Variants in CECR2 observed in about 807,000 individuals in gnomAD.
The protein encoded by CECR2 is CECR2 histone acetyl-lysine reader, also known as chromatin remodeling regulator CECR2.
CECR2 carries 30 observed loss-of-function variants against 154.5 expected under a neutral mutation model. The ratio of observed to expected loss-of-function variants is 0.19; its 90% CI spans 0.15 to 0.26. The LOEUF is 0.26. Ranked by LOEUF, CECR2 falls within the 10% of genes least tolerant of loss-of-function variation. The pLI is 1.00. For missense variants in CECR2, 1,743 were observed against 1,829.3 expected (o/e 0.95, Z 0.86); for synonymous variants, 725 against 683.7 (o/e 1.06, Z -0.94).
At chr22:17,380,988 A>G (rs1310683493) in intron 1 of CECR2, among the ~76,000 whole-genome samples, 1 of 147,830 alleles carries the variant, frequency 6.8e-6, no homozygotes, top group Non-Finnish European at 1.5e-5. Context: ...ATTCCCCATT[A>G]TGTCTCTCTG....
intron 1 of CECR2, among the ~76,000 whole-genome samples, chr22:17,398,936 A>G (rs1438719725): frequency 6.6e-6 from 1 of 152,214 alleles, no homozygotes; most frequent in Non-Finnish European, 1.5e-5. Context: ...AGGTTGAATC[A>G]GGTGATATTG....
intron 1 of CECR2, among the ~76,000 whole-genome samples, chr22:17,364,342 C>CTAAAAAAAA: frequency 1.9e-5 from 1 of 52,946 alleles, no homozygotes; most frequent in Non-Finnish European, 3.0e-5. Flanking sequence ...GACTCTGTCT[C>CTAAAAAAAA]AAAAAAAAAA....
chr22:17,502,118 C>T (rs991891844), intron 5 of CECR2, among the ~76,000 whole-genome samples: 2 of 152,174 alleles, frequency 1.3e-5, no homozygotes, highest in African/African-American at 4.8e-5. Context: ...AATGATACTT[C>T]ATCCTAATGC....
At chr22:17,389,171 A>G (rs1468027204) in intron 1 of CECR2, among the ~76,000 whole-genome samples, 3 of 152,142 alleles carry the variant, frequency 2.0e-5, no homozygotes, top group South Asian at 4.1e-4. Context: ...AGGCTGGTAC[A>G]CAGAATTCCT....
rs375202991 is a variant in CECR2, at chr22:17,435,976, CCTCT to C, written c.127-41611_127-41608del. On this transcript the variant is annotated intron_variant, in intron 1 of 18. Coordinates refer to ENST00000262608, the MANE Select transcript of CECR2 (RefSeq NM_001290047.2). ...CTTTCTTTCCCTTCCTCCCTCCCTC[CCTCT>C]GTCTGTCTCGCTCTGTCACCCAGGC... is the stretch of plus-strand genomic sequence containing the variant. 7.9e-5 allele frequency among the ~76,000 whole-genome samples: 12 copies of C among 152,194 alleles called. No homozygotes were observed. In the South Asian group the frequency reaches 1.0e-3, roughly 13 times the overall value.
intron 8 of CECR2, among the ~76,000 whole-genome samples, chr22:17,512,169 G>C (rs1003125038): frequency 6.6e-6 from 1 of 152,130 alleles, no homozygotes; most frequent in Non-Finnish European, 1.5e-5. Context: ...TATAGGAGCA[G>C]TTCACAAATG....
chr22:17,546,348 T>C (rs975365073), intron 16 of CECR2, among the ~76,000 whole-genome samples: 34 of 151,792 alleles, frequency 2.2e-4, no homozygotes, highest in Admixed American at 7.9e-4. Context: ...TTAGCCAGCA[T>C]GGTGTCGGGC....
chr22:17,549,978 A>T (rs2056683909), intron 17 of CECR2, among the ~76,000 whole-genome samples: 1 of 150,214 alleles, frequency 6.7e-6, no homozygotes, highest in African/African-American at 2.4e-5. Flanking sequence ...ATAACAGTTC[A>T]TGGTCTAGGA....
intron 9 of CECR2, among the ~76,000 whole-genome samples, chr22:17,527,760 A>T (rs1341880154): frequency 4.9e-5 from 7 of 143,920 alleles, no homozygotes; most frequent in Non-Finnish European, 1.1e-4. Flanking sequence ...ATACAGCAAG[A>T]TTCTGTCTCA....
intron 1 of CECR2, among the ~76,000 whole-genome samples, chr22:17,376,645 T>G (rs1256202311): frequency 0.012 from 1,379 of 111,612 alleles, 23 homozygotes; most frequent in African/African-American, 0.063. Flanking sequence ...TTTTTTTTTG[T>G]TTTTTTTTTT....
chr22:17,396,938 A>T (rs1292566926), intron 1 of CECR2, among the ~76,000 whole-genome samples: 4 of 152,132 alleles, frequency 2.6e-5, no homozygotes, highest in Non-Finnish European at 5.9e-5. Context: ...TGGTTGGACA[A>T]TGGCTTGTGA....
At chr22:17,428,725 G>C (rs1385191749) in intron 1 of CECR2, among the ~76,000 whole-genome samples, 1 of 151,820 alleles carries the variant, frequency 6.6e-6, no homozygotes, top group Non-Finnish European at 1.5e-5. Flanking sequence ...TGATCCTCTT[G>C]ACTCAGCCTC....
chr22:17,396,945 G>A (rs1293479013), intron 1 of CECR2, among the ~76,000 whole-genome samples: 1 of 152,126 alleles, frequency 6.6e-6, no homozygotes, highest in Non-Finnish European at 1.5e-5. Context: ...ACAATGGCTT[G>A]TGAGAGAGGA....
intron 9 of CECR2, among the ~76,000 whole-genome samples, chr22:17,527,691 T>C (rs940657465): frequency 4.0e-5 from 6 of 148,612 alleles, no homozygotes; most frequent in Non-Finnish European, 4.4e-5. Flanking sequence ...TGCTTGAACC[T>C]GGGAGACAGA....
chr22:17,462,708 GT>G (rs199781720), intron 1 of CECR2, among the ~76,000 whole-genome samples: 1,707 of 152,228 alleles, frequency 0.011, 29 homozygotes, highest in African/African-American at 0.038. Flanking sequence ...GAGGTCAGGA[GT>G]TCAAGACCAG....
chr22:17,403,704 T>C (rs1399451692), intron 1 of CECR2, among the ~76,000 whole-genome samples: 2 of 152,208 alleles, frequency 1.3e-5, no homozygotes, highest in East Asian at 1.9e-4. Flanking sequence ...GGTGATCTTC[T>C]AGTTAAGGTA....
rs941649458 is a variant in CECR2, at chr22:17,407,812, C to T, written c.126+37903C>T. Among the ~76,000 whole-genome samples the T allele has an allele frequency of 5.3e-4, 81 of 152,070 alleles. 1 individual carries two copies. Among genetic ancestry groups the T allele is most frequent in the African/African-American group, 1.9e-3 (77 of 41,416 alleles). ...TGTGGGTAGAGGTCAGGAATATTGT[C>T]AAATAGCCTACAGTGCGTAAGACAG... On this transcript the variant is annotated intron_variant, in intron 1 of 18. Transcript: ENST00000262608.
intron 1 of CECR2, among the ~76,000 whole-genome samples, chr22:17,409,339 G>A (rs2054034089): frequency 9.1e-6 from 1 of 110,456 alleles, no homozygotes; most frequent in African/African-American, 3.0e-5. Context: ...CACCATGTTG[G>A]CCAGGATGGT....
chr22:17,523,821 A>T (rs533836399), intron 8 of CECR2, among the ~76,000 whole-genome samples: 19 of 151,876 alleles, frequency 1.3e-4, no homozygotes, highest in African/African-American at 4.3e-4. Context: ...AAAGAAACAC[A>T]TCTCTGAACT....
Sources: allele counts gnomAD v4.1 joint callset (sites outside exome capture counted in the v4.1 genomes callset), GRCh38; gene constraint gnomAD v4.1.1; transcripts MANE v1.5; gene names NCBI Gene and HGNC (gene_info 2026-07-23, HGNC 2026-07-21).